Variants in FBXO15 observed in about 807,000 individuals in gnomAD.
FBXO15 encodes F-box only protein 15.
In FBXO15, 30 loss-of-function variants were observed where a neutral mutation model predicts 49.5. The observed-to-expected ratio is 0.61, with a 90% CI of 0.45 to 0.82. The LOEUF (loss-of-function observed/expected upper bound fraction) is 0.82, where lower values mean the gene tolerates loss of function less well. FBXO15 is among the 40% of genes least tolerant of loss of function. The pLI is 0.00. For synonymous variants in FBXO15, 250 were observed against 232.7 expected (o/e 1.07, Z -0.68); for missense variants, 591 against 631.5 (o/e 0.94, Z 0.69).
rs1401872630 is a variant in FBXO15, at chr18:74,075,322, CAT to C, written c.1264-1594_1264-1593del. Among the ~76,000 whole-genome samples, 2 of 152,350 alleles carry C rather than the reference CAT, an allele frequency of 1.3e-5. No individual in the cohort carries two copies. The highest frequency in any genetic ancestry group is 2.4e-5 in the African/African-American group (1 of 41,594). ...GCTCCTCTGCGCCCACCTCTCCTCA[CAT>C]GTGTTTCTCATCTGCTCCTCCCGGG... On this transcript the variant is annotated intron_variant, in intron 9 of 9. Coordinates refer to ENST00000419743, the MANE Select transcript of FBXO15 (RefSeq NM_001142958.2). This position sits in a 1 kb window ranked among gnomAD's most constrained non-coding sequence, Gnocchi z 4.1.
In FBXO15 at chr18:74,074,507, T is replaced by C. The variant is rs150182682; in HGVS notation, c.1264-777A>G. Among the ~76,000 whole-genome samples the C allele has an allele frequency of 6.6e-6, 1 of 152,302 alleles. No individual in the cohort carries two copies. The highest frequency in any genetic ancestry group is 2.4e-5 in the African/African-American group (1 of 41,570). ...TGGCCGACACAGCACTTCCCGGAAG[T>C]GGTCCACTTTCACTATCCATGCCTC... On this transcript the variant is annotated intron_variant, in intron 9 of 9. Coordinates refer to ENST00000419743, the MANE Select transcript of FBXO15 (RefSeq NM_001142958.2). The surrounding 1 kb of genome is among the most constrained non-coding windows in gnomAD (Gnocchi z 4.7).
intron 9 of FBXO15, 77 bp downstream of exon 9, chr18:74,081,850 A>G (rs1912510212): frequency 1.0e-6 from 1 of 993,362 alleles, no homozygotes; most frequent in African/African-American, 1.7e-5. Flanking sequence ...ATGACAATAT[A>G]ATTTATATAT....
intron 8 of FBXO15, among the ~76,000 whole-genome samples, chr18:74,115,356 C>A (rs1914182933): frequency 6.6e-6 from 1 of 152,124 alleles, no homozygotes; most frequent in Non-Finnish European, 1.5e-5. Flanking sequence ...TAATCCCAGG[C>A]ACCAAGAGTT....
chr18:74,115,319 T>C (rs555511000), intron 8 of FBXO15, among the ~76,000 whole-genome samples: 2 of 152,298 alleles, frequency 1.3e-5, no homozygotes, highest in East Asian at 3.9e-4. Context: ...TTTGGAAATA[T>C]TCCTCCCACT....
chr18:74,099,560 T>C (rs1418204800), intron 8 of FBXO15: 1 of 152,186 alleles, frequency 6.6e-6, no homozygotes, highest in Non-Finnish European at 1.5e-5. Context: ...AATGGAATAG[T>C]ACCTTACATC....
intron 8 of FBXO15, among the ~76,000 whole-genome samples, chr18:74,121,450 A>G (rs1914465795): frequency 6.6e-6 from 1 of 152,258 alleles, no homozygotes; most frequent in Non-Finnish European, 1.5e-5. Context: ...TCAAAGACAT[A>G]AAAGTATTTT....
At chr18:74,088,271 T>C (rs1326090134) in intron 8 of FBXO15, among the ~76,000 whole-genome samples, 1 of 152,226 alleles carries the variant, frequency 6.6e-6, no homozygotes, top group Non-Finnish European at 1.5e-5. Context: ...TCATGAAATC[T>C]TTGCCAGTCC....
At chr18:74,104,322 T>A (rs1913653158) in intron 8 of FBXO15, among the ~76,000 whole-genome samples, 1 of 152,008 alleles carries the variant, frequency 6.6e-6, no homozygotes, top group Admixed American at 6.6e-5. Flanking sequence ...CAAATTAAAA[T>A]ATTCTACCAG....
chr18:74,083,474 G>A (rs1439003658), intron 8 of FBXO15, among the ~76,000 whole-genome samples: 2 of 152,214 alleles, frequency 1.3e-5, no homozygotes, highest in Non-Finnish European at 2.9e-5. Flanking sequence ...CAAAACCAAG[G>A]GAGGCCTCTG....
chr18:74,141,119 T>G (rs1445238386), intron 1 of FBXO15, among the ~76,000 whole-genome samples: 1 of 152,264 alleles, frequency 6.6e-6, no homozygotes, highest in Non-Finnish European at 1.5e-5. Context: ...AATGGTTTTT[T>G]AGATTCAATG....
intron 9 of FBXO15, among the ~76,000 whole-genome samples, chr18:74,081,286 C>A (rs1461647598): frequency 6.6e-6 from 1 of 152,158 alleles, no homozygotes; most frequent in African/African-American, 2.4e-5. Flanking sequence ...GTCCCTGGGA[C>A]AATGAAAATC....
At chr18:74,103,297 G>T (rs1913604788) in intron 8 of FBXO15, among the ~76,000 whole-genome samples, 2 of 151,466 alleles carry the variant, frequency 1.3e-5, no homozygotes, top group Admixed American at 6.6e-5. Context: ...GAGGTAGAAG[G>T]CAGGCCTTTT....
intron 6 of FBXO15, among the ~76,000 whole-genome samples, chr18:74,125,382 C>T (rs1238676510): frequency 1.3e-5 from 2 of 152,192 alleles, no homozygotes; most frequent in Non-Finnish European, 2.9e-5. Context: ...GTCTTAATCC[C>T]GTCTAGTCAT....
chr18:74,073,599 G>A lies in FBXO15; in HGVS notation c.1395C>T (p.Asn465=), dbSNP rs186199942. ...DSSSFLGQTY[N]VDYVDAEGRV... is the part of the protein sequence containing the mutation. ...TTCCTTCCGCATCAACGTAGTCCACGTTGTATGTCTGTCCCAAGAAGCTAG... is the reference window on the plus strand; with the variant it reads ...TTCCTTCCGCATCAACGTAGTCCACATTGTATGTCTGTCCCAAGAAGCTAG... The change falls in exon 10 of 10, where the codon AAC becomes AAT. Residue 465 remains asparagine, a synonymous_variant. Transcript: ENST00000419743. The A allele has an allele frequency of 3.2e-5, 51 of 1,614,188 alleles. No homozygotes were observed. The African/African-American group carries it at 3.6e-4, about 11-fold the overall frequency.
intron 9 of FBXO15, among the ~76,000 whole-genome samples, chr18:74,077,146 T>C (rs1912287004): frequency 6.6e-6 from 1 of 152,144 alleles, no homozygotes; most frequent in African/African-American, 2.4e-5. Context: ...TAGGCCAGCT[T>C]GGTTCAGCAT....
chr18:74,116,932 G>A (rs897414277), intron 8 of FBXO15, among the ~76,000 whole-genome samples: 8 of 152,222 alleles, frequency 5.3e-5, no homozygotes, highest in African/African-American at 1.9e-4. Context: ...AGGATGAAGA[G>A]AGCAGAGAGC....
intron 8 of FBXO15, among the ~76,000 whole-genome samples, chr18:74,101,085 C>T (rs1913496303): frequency 6.6e-6 from 1 of 152,044 alleles, no homozygotes; most frequent in Admixed American, 6.6e-5. Context: ...ATACTAAAAC[C>T]AGGATAGGAC....
chr18:74,086,652 C>T (rs1568158072), intron 8 of FBXO15, among the ~76,000 whole-genome samples: 1 of 152,148 alleles, frequency 6.6e-6, no homozygotes, highest in African/African-American at 2.4e-5. Flanking sequence ...CCTCATGATC[C>T]GCCCACCTCA....
chr18:74,134,187 C>G (rs1978570578), intron 3 of FBXO15, among the ~76,000 whole-genome samples: 1 of 152,104 alleles, frequency 6.6e-6, no homozygotes. Context: ...AGAAAAATCA[C>G]CCTTTCCAAC....
Sources: allele counts gnomAD v4.1 joint callset (sites outside exome capture counted in the v4.1 genomes callset), GRCh38; gene constraint gnomAD v4.1.1; non-coding constraint Gnocchi (gnomAD v3.1); transcripts MANE v1.5; gene names NCBI Gene and HGNC (gene_info 2026-07-23, HGNC 2026-07-21).